Variants in DLGAP1 observed in about 807,000 individuals in gnomAD.
DLGAP1 encodes the protein disks large-associated protein 1.
A neutral mutation model predicts 90.8 loss-of-function variants in DLGAP1; 11 were observed. That is an observed-to-expected ratio of 0.12 (90% CI 0.08 to 0.20). The LOEUF (loss-of-function observed/expected upper bound fraction) is 0.20. DLGAP1 is among the 10% of genes least tolerant of loss of function. The pLI is 1.00. For missense variants in DLGAP1, 1,050 were observed against 1,333.8 expected, an observed-to-expected ratio of 0.79 and a Z score of 3.31; for synonymous variants, 558 against 540.7, an observed-to-expected ratio of 1.03 and a Z score of -0.44.
At chr18:4,414,058 T>C (rs1404947106) in intron 1 of DLGAP1, among the ~76,000 whole-genome samples, 2 of 152,294 alleles carry the variant, frequency 1.3e-5, no homozygotes, top group South Asian at 2.1e-4. Flanking sequence ...ACTGACTATG[T>C]GAAGCTGGTC....
At chr18:3,688,065 C>T (rs938916837) in intron 7 of DLGAP1, among the ~76,000 whole-genome samples, 1 of 152,016 alleles carries the variant, frequency 6.6e-6, no homozygotes, top group Non-Finnish European at 1.5e-5. Flanking sequence ...CACCACCACG[C>T]CCAGCTAATT....
chr18:4,349,772 G>A (rs504898), intron 1 of DLGAP1, among the ~76,000 whole-genome samples: 2,224 of 152,134 alleles, frequency 0.015, 19 homozygotes, highest in Non-Finnish European at 0.018. Flanking sequence ...TACTTCTGGG[G>A]GTGTTAATCA....
At chr18:3,532,777 T>A (rs1057235762) in intron 10 of DLGAP1, among the ~76,000 whole-genome samples, 4 of 152,170 alleles carry the variant, frequency 2.6e-5, no homozygotes, top group African/African-American at 9.6e-5. Flanking sequence ...ATTAATTTAA[T>A]AATAATGTTT....
chr18:4,293,923 C>T (rs565913445), intron 1 of DLGAP1: 2 of 152,288 alleles, frequency 1.3e-5, no homozygotes, highest in South Asian at 4.1e-4. Context: ...TTCCTACCTG[C>T]CAAAACTTTG....
chr18:3,975,515 G>A lies in DLGAP1; in HGVS notation c.-73+29601C>T, dbSNP rs2073552907. On this transcript the variant is annotated intron_variant, in intron 3 of 12. Coordinates refer to ENST00000315677, the MANE Select transcript of DLGAP1 (RefSeq NM_004746.4). ...CGCACTCACTGTGGAAAATGGCTTG[G>A]TGGTTGTTAAAAAAATTAAACACAG... Among the ~76,000 whole-genome samples the A allele has an allele frequency of 3.9e-5, 6 of 152,090 alleles. No individual in the cohort carries two copies. The South Asian group carries it at 1.2e-3, about 32-fold the overall frequency.
chr18:4,162,358 C>T (rs1361093981), intron 1 of DLGAP1, among the ~76,000 whole-genome samples: 2 of 152,100 alleles, frequency 1.3e-5, no homozygotes, highest in South Asian at 2.1e-4. Context: ...GATAGGGTCT[C>T]TCTGCTCTCA....
intron 2 of DLGAP1, among the ~76,000 whole-genome samples, chr18:4,052,332 A>C (rs1042058287): frequency 1.3e-5 from 2 of 152,178 alleles, no homozygotes; most frequent in African/African-American, 2.4e-5. Flanking sequence ...TTTGAAATCT[A>C]GGTGGAGATT....
intron 2 of DLGAP1, among the ~76,000 whole-genome samples, chr18:4,113,935 A>G (rs942914966): frequency 6.6e-6 from 1 of 151,374 alleles, no homozygotes; most frequent in African/African-American, 2.4e-5. Context: ...CTGTGGCTCT[A>G]TTACTAGGTT....
At chr18:4,144,195 C>A (rs1489870856) in intron 2 of DLGAP1, among the ~76,000 whole-genome samples, 1 of 152,174 alleles carries the variant, frequency 6.6e-6, no homozygotes, top group East Asian at 1.9e-4. Context: ...GAATTGCAGT[C>A]CTTGTGGCCT....
chr18:3,547,301 C>CA (rs765095049), intron 9 of DLGAP1, among the ~76,000 whole-genome samples: 2,277 of 44,836 alleles, frequency 0.051, 205 homozygotes, highest in African/African-American at 0.13. Context: ...GACTCCGTCT[C>CA]AAAAAAAAAA....
chr18:4,416,908 G>A (rs1283134488), intron 1 of DLGAP1, among the ~76,000 whole-genome samples: 3 of 152,092 alleles, frequency 2.0e-5, no homozygotes, highest in Non-Finnish European at 4.4e-5. Context: ...ACAAAATGAA[G>A]TATAACAAAA....
chr18:4,218,770 C>A lies in DLGAP1; in HGVS notation c.-266-67483G>T, dbSNP rs138148144. Among the ~76,000 whole-genome samples, 6 of 151,588 alleles carry A rather than the reference C, an allele frequency of 4.0e-5. No individual in the cohort carries two copies. In the East Asian group the frequency reaches 1.2e-3, roughly 29 times the overall value. ...TAGCATAATATCCTCCAGGTTAAGGCTATGTGTCTGTTGTGTGTATATACT... is the reference window on the plus strand; with the variant it reads ...TAGCATAATATCCTCCAGGTTAAGGATATGTGTCTGTTGTGTGTATATACT... On this transcript the variant is annotated intron_variant, in intron 1 of 12. Transcript: ENST00000315677.
chr18:4,157,211 T>C (rs542395501), intron 1 of DLGAP1, among the ~76,000 whole-genome samples: 5 of 152,312 alleles, frequency 3.3e-5, no homozygotes, highest in Admixed American at 6.5e-5. Flanking sequence ...TAAGTTGTTT[T>C]ACCCAACTCC....
rs67491547 is a variant in DLGAP1 at position 3,572,069 on chromosome 18, GTT to G, written c.1966-4490_1966-4489del. 3.9e-3 allele frequency among the ~76,000 whole-genome samples: 411 copies of G among 105,578 alleles called. 2 individuals carry two copies. Among genetic ancestry groups the G allele is most frequent in the Middle Eastern group, 0.013 (2 of 150 alleles). The allele number at this position is 105,578 out of a possible 152,430, so 69.3% of individuals were successfully genotyped here. ...ATGGATTTTCAGTGGTTTCTTCTAG[GTT>G]TTTTTTTTTTTTTTTTTTTCTTTTG... On this transcript the variant is annotated intron_variant, in intron 8 of 12. Coordinates refer to ENST00000315677, the MANE Select transcript of DLGAP1 (RefSeq NM_004746.4).
Position 3,879,538 on chromosome 18 carries a change from G to C in DLGAP1, c.531C>G (p.Arg177=), listed in dbSNP as rs1384612015. Residue 177 remains arginine (R), a synonymous_variant, in exon 4 of 13, where the codon CGC becomes CGG. Coordinates refer to ENST00000315677, the MANE Select transcript of DLGAP1 (RefSeq NM_004746.4). This position sits in a 1 kb window ranked among gnomAD's most constrained non-coding sequence, Gnocchi z 6.6. ...KASPDEAQAA[R]YGKRSKSKER... Reference sequence around the variant, plus strand: ...CCTTGCTCTTGCTGCGTTTGCCATAGCGCGCCGCCTGCGCCTCGTCAGGGC... The same window carrying C: ...CCTTGCTCTTGCTGCGTTTGCCATACCGCGCCGCCTGCGCCTCGTCAGGGC... 4 of 1,600,434 alleles carry C rather than the reference G, an allele frequency of 2.5e-6. No individual in the cohort carries two copies. Among genetic ancestry groups the C allele is most frequent in the Non-Finnish European group, 3.4e-6 (4 of 1,178,428 alleles).
chr18:4,425,687 A>G (rs1377089322), intron 1 of DLGAP1, among the ~76,000 whole-genome samples: 1 of 152,206 alleles, frequency 6.6e-6, no homozygotes, highest in Admixed American at 6.5e-5. Context: ...TGCTAAGGAC[A>G]ATGCAGTGAT....
chr18:4,311,701 A>T (rs1335922809), intron 1 of DLGAP1, among the ~76,000 whole-genome samples: 1 of 152,048 alleles, frequency 6.6e-6, no homozygotes, highest in Non-Finnish European at 1.5e-5. Context: ...GCTCCTCTAG[A>T]TCCAATGCCA....
At chr18:4,290,902 G>C (rs919686018) in intron 1 of DLGAP1, among the ~76,000 whole-genome samples, 9 of 152,274 alleles carry the variant, frequency 5.9e-5, no homozygotes, top group Non-Finnish European at 1.3e-4. Context: ...GCCCTGTACG[G>C]AGTGCTCAGC....
chr18:4,334,849 G>T lies in DLGAP1; in HGVS notation c.-267+120157C>A, dbSNP rs954331325. Among the ~76,000 whole-genome samples, 2 of 151,888 alleles carry T rather than the reference G, an allele frequency of 1.3e-5. 1 individual carries two copies. The highest frequency in any genetic ancestry group is 4.9e-5 in the African/African-American group (2 of 41,172). On this transcript the variant is annotated intron_variant, in intron 1 of 12. Coordinates refer to ENST00000315677, the MANE Select transcript of DLGAP1 (RefSeq NM_004746.4). ...ACTTTATTTAAATTATGGAAATCAT[G>T]ACTCTAGTAAGGCACCCTAATGGTT... is the stretch of plus-strand genomic sequence containing the variant.
Sources: gnomAD v4.1 joint callset for allele counts (sites outside exome capture counted in the v4.1 genomes callset) on GRCh38, gnomAD v4.1.1 for gene constraint, Gnocchi (gnomAD v3.1) non-coding constraint, MANE v1.5 for transcripts, NCBI Gene and HGNC (gene_info 2026-07-23, HGNC 2026-07-21) for gene names.